The following NIBAN2 variants were observed in gnomAD, a reference collection of about 807,000 sequenced individuals.
NIBAN2 encodes the protein protein Niban 2.
In NIBAN2, 36 loss-of-function variants were observed where a neutral mutation model predicts 81.8. The ratio of observed to expected loss-of-function variants is 0.44; its 90% CI spans 0.34 to 0.58. NIBAN2 has a LOEUF of 0.58. NIBAN2 is among the 20% of genes least tolerant of loss of function. The pLI, the probability that NIBAN2 is intolerant of heterozygous loss-of-function variation, is 0.02. For synonymous variants in NIBAN2, 445 were observed against 441.6 expected, an observed-to-expected ratio of 1.01 and a Z score of -0.10; for missense variants, 897 against 1,014.1, an observed-to-expected ratio of 0.88 and a Z score of 1.57.
intron 1 of NIBAN2, among the ~76,000 whole-genome samples, chr9:127,539,404 T>C (rs1297164441): frequency 1.3e-5 from 2 of 152,264 alleles, no homozygotes; most frequent in Non-Finnish European, 1.5e-5. Flanking sequence ...ATCCTCATCT[T>C]ACAGACGAGG....
At chr9:127,540,454 C>T (rs1003191854) in intron 1 of NIBAN2, among the ~76,000 whole-genome samples, 1 of 152,326 alleles carries the variant, frequency 6.6e-6, no homozygotes, top group Non-Finnish European at 1.5e-5. Flanking sequence ...CCTTCTTTGC[C>T]TTGTCATGAC....
chr9:127,537,650 C>T (rs983728995), intron 1 of NIBAN2, among the ~76,000 whole-genome samples: 3 of 152,322 alleles, frequency 2.0e-5, no homozygotes, highest in Middle Eastern at 3.4e-3. Flanking sequence ...GCCCCCTTTT[C>T]GCTTTCTGCC....
chr9:127,565,163 T>C (rs988257964), intron 1 of NIBAN2, among the ~76,000 whole-genome samples: 1 of 152,092 alleles, frequency 6.6e-6, no homozygotes, highest in Admixed American at 6.5e-5. Context: ...GGCTTTGCCA[T>C]GTTGCCCACG....
chr9:127,577,868 A>G (rs1838027553), intron 1 of NIBAN2, among the ~76,000 whole-genome samples: 1 of 151,886 alleles, frequency 6.6e-6, no homozygotes, highest in African/African-American at 2.4e-5. Flanking sequence ...GGCATGCACC[A>G]CTACACCTGG....
At chr9:127,523,552 A>T in intron 5 of NIBAN2, 127 bp downstream of exon 5, 1 of 877,142 alleles carries the variant, frequency 1.1e-6, no homozygotes, top group Non-Finnish European at 1.7e-6. Flanking sequence ...ATAACCCCAG[A>T]AGGGAAATTA....
intron 1 of NIBAN2, among the ~76,000 whole-genome samples, chr9:127,561,743 TG>T (rs1299960000): frequency 1.3e-5 from 2 of 152,266 alleles, no homozygotes; most frequent in Non-Finnish European, 2.9e-5. Flanking sequence ...GGACACTTCC[TG>T]TTCTTCCAGT....
At chr9:127,532,878 A>C (rs1240933611) in intron 1 of NIBAN2, among the ~76,000 whole-genome samples, 1 of 152,132 alleles carries the variant, frequency 6.6e-6, no homozygotes, top group African/African-American at 2.4e-5. Flanking sequence ...ACAAAAAAAT[A>C]CAAAAGTCTG....
At chr9:127,571,692 T>C (rs527752287), upstream of NIBAN2, among the ~76,000 whole-genome samples, 38 of 120,394 alleles carry the variant, frequency 3.2e-4, no homozygotes, top group African/African-American at 1.2e-3. Flanking sequence ...GAGACTCCAT[T>C]AAAAACAAAA....
Position 127,565,001 on chromosome 9 carries a change from G to A in NIBAN2, c.55+3819C>T, listed in dbSNP as rs374996108. ...TGGGATTTAACGGAGAAAGATGGAG[G>A]GTGTTTTCATGTTTTATTTTACCCT... On this transcript the variant is annotated intron_variant, in intron 1 of 13. Coordinates refer to ENST00000373312, the MANE Select transcript of NIBAN2 (RefSeq NM_022833.4). 5.0e-4 allele frequency among the ~76,000 whole-genome samples: 76 copies of A among 152,224 alleles called. 1 individual carries two copies. Among genetic ancestry groups the A allele is most frequent in the African/African-American group, 1.7e-3 (72 of 41,540 alleles).
chr9:127,526,226 C>G (rs1837060315), intron 3 of NIBAN2, among the ~76,000 whole-genome samples: 1 of 151,890 alleles, frequency 6.6e-6, no homozygotes, highest in Non-Finnish European at 1.5e-5. Flanking sequence ...ATGGTGAAAA[C>G]CAGTCTCTAC....
rs755056956 is a variant in NIBAN2 at position 127,507,307 on chromosome 9, G to A, written c.1779C>T (p.Tyr593=). ...GGCTGCCGCCCCCGCCGCTGTTGCT[G>A]TACTCCTCGCCCCAGTCGATGGGGG... The part of the protein sequence containing the change: ...EGAPIDWGEE[Y]SNSGGGGSPS... The change falls in exon 14 of 14, where the codon TAC becomes TAT. Residue 593 remains tyrosine, a synonymous_variant. Transcript: ENST00000373312. This position sits in a 1 kb window ranked among gnomAD's most constrained non-coding sequence, Gnocchi z 6.8. 41 of 1,589,968 alleles carry A rather than the reference G, an allele frequency of 2.6e-5. No individual in the cohort carries two copies. The highest frequency in any genetic ancestry group is 1.1e-5 in the South Asian group (1 of 89,612).
At chr9:127,567,321 G>C (rs1275305639) in intron 1 of NIBAN2, among the ~76,000 whole-genome samples, 3 of 152,204 alleles carry the variant, frequency 2.0e-5, no homozygotes, top group Non-Finnish European at 2.9e-5. Flanking sequence ...ACAGGGAGGG[G>C]ACAGGAAGAC....
chr9:127,549,332 GCA>G (rs1221427459), intron 1 of NIBAN2, among the ~76,000 whole-genome samples: 1 of 152,088 alleles, frequency 6.6e-6, no homozygotes, highest in African/African-American at 2.4e-5. Context: ...CCACACGCAT[GCA>G]CACTCACACT....
At chr9:127,522,071 G>A (rs1194882776) in intron 5 of NIBAN2, among the ~76,000 whole-genome samples, 1 of 152,216 alleles carries the variant, frequency 6.6e-6, no homozygotes, top group African/African-American at 2.4e-5. Flanking sequence ...CCAGGCCAGG[G>A]GCTGGGGAGG....
chr9:127,578,464 C>T (rs566968173), intron 1 of NIBAN2, among the ~76,000 whole-genome samples: 1 of 151,488 alleles, frequency 6.6e-6, no homozygotes, highest in South Asian at 2.1e-4. Flanking sequence ...GAGTTCAAGA[C>T]CAGCCTGGCC....
intron 1 of NIBAN2, among the ~76,000 whole-genome samples, chr9:127,560,372 C>T (rs1042812935): frequency 1.3e-5 from 2 of 152,116 alleles, no homozygotes; most frequent in African/African-American, 4.8e-5. Flanking sequence ...GGTCCAGTCC[C>T]TCTCACCATG....
chr9:127,574,387 A>G (rs995375361), intron 1 of NIBAN2, among the ~76,000 whole-genome samples: 2 of 152,106 alleles, frequency 1.3e-5, no homozygotes, highest in African/African-American at 4.8e-5. Context: ...CACATCCTCA[A>G]GCATATTTGG....
intron 1 of NIBAN2, among the ~76,000 whole-genome samples, chr9:127,558,384 A>G (rs1187353470): frequency 6.6e-6 from 1 of 152,146 alleles, no homozygotes. Context: ...TGCTGGGGTC[A>G]AGGCCCTGGG....
intron 2 of NIBAN2, among the ~76,000 whole-genome samples, chr9:127,530,006 C>A (rs182766668): frequency 6.6e-6 from 1 of 152,356 alleles, no homozygotes; most frequent in East Asian, 1.9e-4. Flanking sequence ...ATGCTTCACG[C>A]CCTCAGCCAG....
Sources: allele counts gnomAD v4.1 joint callset (sites outside exome capture counted in the v4.1 genomes callset), GRCh38; gene constraint gnomAD v4.1.1; non-coding constraint Gnocchi (gnomAD v3.1); transcripts MANE v1.5; gene names NCBI Gene and HGNC (gene_info 2026-07-23, HGNC 2026-07-21).